Variants in MPP7 observed in about 807,000 individuals in gnomAD.
MPP7 encodes MAGUK p55 scaffold protein 7.
In MPP7, 60 loss-of-function variants were observed where a neutral mutation model predicts 76.5. The observed-to-expected ratio is 0.78, with a 90% CI of 0.64 to 0.97. The LOEUF (loss-of-function observed/expected upper bound fraction) is 0.97. Ranked by LOEUF, MPP7 falls within the 50% of genes least tolerant of loss-of-function variation. The probability of loss-of-function intolerance (pLI) is 0.00; values close to 1 mark genes in which losing one functional copy is unlikely to be tolerated. For synonymous variants in MPP7, 237 were observed against 244.5 expected (o/e 0.97, Z 0.29); for missense variants, 641 against 694.0 (o/e 0.92, Z 0.86).
intron 5 of MPP7, among the ~76,000 whole-genome samples, chr10:28,132,875 G>A (rs1372566853): frequency 8.3e-6 from 1 of 120,962 alleles, no homozygotes; most frequent in East Asian, 1.9e-4. Context: ...TGAGATTACA[G>A]GCATGAGCCA....
chr10:28,124,225 C>T (rs1834936722), intron 7 of MPP7, 109 bp from the exon 8 acceptor site: 14 of 750,832 alleles, frequency 1.9e-5, no homozygotes, highest in South Asian at 1.7e-4. Context: ...ATACACTTAA[C>T]GAATGGAAAG....
intron 1 of MPP7, among the ~76,000 whole-genome samples, chr10:28,271,112 G>A (rs78719866): frequency 6.6e-6 from 1 of 152,108 alleles, no homozygotes; most frequent in African/African-American, 2.4e-5. Flanking sequence ...CAATACAAGA[G>A]GTCCCAAATA....
intron 3 of MPP7, among the ~76,000 whole-genome samples, chr10:28,163,713 C>T (rs1165510182): frequency 6.6e-6 from 1 of 151,894 alleles, no homozygotes; most frequent in African/African-American, 2.4e-5. Context: ...TTTGGGTGAC[C>T]GAGGCGGGTG....
chr10:28,187,306 T>C (rs921418934), intron 3 of MPP7, among the ~76,000 whole-genome samples: 2 of 152,162 alleles, frequency 1.3e-5, no homozygotes, highest in Non-Finnish European at 2.9e-5. Flanking sequence ...AAGGCAACAA[T>C]TTACTCAGGG....
chr10:28,059,474 T>A, intron 14 of MPP7, 176 bp downstream of exon 14: 1 of 510,074 alleles, frequency 2.0e-6, no homozygotes, highest in Non-Finnish European at 3.4e-6. Context: ...TACTAAAAAA[T>A]TAGAGGTGAA....
chr10:28,251,053 G>A (rs1049436758), intron 1 of MPP7, among the ~76,000 whole-genome samples: 1 of 152,168 alleles, frequency 6.6e-6, no homozygotes, highest in African/African-American at 2.4e-5. Flanking sequence ...ATGTGTTAAA[G>A]CTATAAAAAA....
chr10:28,320,617 G>A (rs986050029), intron 2 of MPP7, among the ~76,000 whole-genome samples: 1 of 151,804 alleles, frequency 6.6e-6, no homozygotes, highest in Non-Finnish European at 1.5e-5. Context: ...GTGGAAGGGG[G>A]GTCAACTTGA....
chr10:28,295,654 G>T (rs956604462), intron 1 of MPP7, among the ~76,000 whole-genome samples: 1 of 152,162 alleles, frequency 6.6e-6, no homozygotes, highest in South Asian at 2.1e-4. Context: ...TTTTTATCAG[G>T]AGTGAAGCTA....
chr10:28,321,692 C>A (rs1834370180), intron 2 of MPP7, among the ~76,000 whole-genome samples: 1 of 152,160 alleles, frequency 6.6e-6, no homozygotes, highest in South Asian at 2.1e-4. Context: ...TCAAGCAATT[C>A]TCCTGCCTCA....
upstream of MPP7, among the ~76,000 whole-genome samples, chr10:28,307,953 TG>T (rs1841268241): frequency 6.6e-6 from 1 of 152,196 alleles, no homozygotes; most frequent in Non-Finnish European, 1.5e-5. Flanking sequence ...GCTTCCTTCT[TG>T]GGTCTTTTCT....
chr10:28,334,063 T>A (rs1004821024), intron 1 of MPP7, among the ~76,000 whole-genome samples: 5 of 152,062 alleles, frequency 3.3e-5, no homozygotes, highest in Non-Finnish European at 7.4e-5. Context: ...TAGCCAGGCA[T>A]TGTGTCACAC....
intron 4 of MPP7, among the ~76,000 whole-genome samples, chr10:28,148,983 C>T (rs1234037185): frequency 6.6e-6 from 1 of 152,012 alleles, no homozygotes; most frequent in Non-Finnish European, 1.5e-5. Flanking sequence ...AAGTAAGCTT[C>T]CTCATTAAAT....
intron 12 of MPP7, among the ~76,000 whole-genome samples, chr10:28,083,893 T>C (rs1432369639): frequency 1.3e-5 from 2 of 152,140 alleles, no homozygotes; most frequent in Non-Finnish European, 2.9e-5. Flanking sequence ...GAAGAGAAAA[T>C]GTGATCTAAC....
intron 3 of MPP7, among the ~76,000 whole-genome samples, chr10:28,172,314 G>A (rs1300027334): frequency 6.6e-6 from 1 of 152,160 alleles, no homozygotes; most frequent in East Asian, 1.9e-4. Context: ...CTGTTGGAAT[G>A]GTACGAAAAA....
At chr10:28,164,280 G>A (rs779130767) in intron 3 of MPP7, among the ~76,000 whole-genome samples, 1 of 152,234 alleles carries the variant, frequency 6.6e-6, no homozygotes, top group Non-Finnish European at 1.5e-5. Context: ...AGAGGGATAG[G>A]AGACCCCGCA....
At chr10:28,121,900 T>A (rs1477929755) in intron 8 of MPP7, among the ~76,000 whole-genome samples, 2 of 152,024 alleles carry the variant, frequency 1.3e-5, no homozygotes, top group African/African-American at 4.8e-5. Flanking sequence ...TTCACCAGCA[T>A]GAAGTTGCTG....
At chr10:28,262,189 A>T (rs1287787110) in intron 1 of MPP7, among the ~76,000 whole-genome samples, 1 of 4,078 alleles carries the variant, frequency 2.5e-4, no homozygotes, top group South Asian at 8.2e-3. Flanking sequence ...AATAAATTAT[A>T]TATATATATA....
intron 11 of MPP7, among the ~76,000 whole-genome samples, chr10:28,116,686 A>T (rs1243790800): frequency 6.6e-6 from 1 of 152,132 alleles, no homozygotes; most frequent in Admixed American, 6.5e-5. Flanking sequence ...ACAAGTCCTT[A>T]TATCCAGCTA....
intron 11 of MPP7, among the ~76,000 whole-genome samples, chr10:28,119,425 G>C (rs891540861): frequency 6.6e-6 from 1 of 152,106 alleles, no homozygotes; most frequent in African/African-American, 2.4e-5. Context: ...CTTTCTTAAA[G>C]AGTGAGTCAT....
Sources: gnomAD v4.1 joint callset for allele counts (sites outside exome capture counted in the v4.1 genomes callset) on GRCh38, gnomAD v4.1.1 for gene constraint, MANE v1.5 for transcripts, NCBI Gene and HGNC (gene_info 2026-07-23, HGNC 2026-07-21) for gene names.